Variants in SORCS2 observed in about 807,000 individuals in gnomAD.
SORCS2 encodes the protein sortilin related VPS10 domain containing receptor 2.
Under a neutral mutation model 141.6 loss-of-function variants are expected in SORCS2, and 100 were observed. The observed-to-expected ratio is 0.71, with a 90% CI of 0.60 to 0.83. The LOEUF (loss-of-function observed/expected upper bound fraction) is 0.83, where lower values mean the gene tolerates loss of function less well. Ranked by LOEUF, SORCS2 falls within the 40% of genes least tolerant of loss-of-function variation. The pLI is 0.00. For synonymous variants in SORCS2, 789 were observed against 676.9 expected (o/e 1.17, Z -2.57); for missense variants, 1,646 against 1,560.2 (o/e 1.05, Z -0.93).
At position 7,504,340 on chromosome 4, in the gene SORCS2, C is replaced by T. The variant is rs73797003; in HGVS notation, c.549-27190C>T. On this transcript the variant is annotated intron_variant, in intron 2 of 26. Transcript: ENST00000507866. ...ATCTGGGTGGTTTTGGTGTTCAGCT[C>T]AGCACCCCCAGAGCTCCTGTGACTT... Among the ~76,000 whole-genome samples, 952 of 152,340 alleles carry T rather than the reference C, an allele frequency of 6.2e-3. 12 individuals carry two copies. The highest frequency in any genetic ancestry group is 0.021 in the African/African-American group (865 of 41,566).
At chr4:7,536,772 G>A (rs1227779780) in intron 3 of SORCS2, among the ~76,000 whole-genome samples, 1 of 150,716 alleles carries the variant, frequency 6.6e-6, no homozygotes, top group East Asian at 1.9e-4. Context: ...CTACCCCCTC[G>A]GTGATCATTT....
chr4:7,715,319 T>C lies in SORCS2; in HGVS notation c.2252+8T>C. The C allele has an allele frequency of 6.2e-7, 1 of 1,613,808 alleles. No individual in the cohort carries two copies. Among genetic ancestry groups the C allele is most frequent in the Non-Finnish European group, 8.5e-7 (1 of 1,179,752 alleles). ...CTACACCAGCAGCCTTGGGTGAGTG[T>C]GGGTGCGGGCCTCTCCCTGCCTAAA... is the stretch of plus-strand genomic sequence containing the variant. On this transcript the variant is annotated splice_region_variant and intron_variant, in intron 17 of 26. Coordinates refer to ENST00000507866, the MANE Select transcript of SORCS2 (RefSeq NM_020777.3).
At chr4:7,368,602 T>C (rs1003425758) in intron 1 of SORCS2, among the ~76,000 whole-genome samples, 1 of 152,126 alleles carries the variant, frequency 6.6e-6, no homozygotes, top group Non-Finnish European at 1.5e-5. Context: ...GTGTAACTCC[T>C]AGAGAGGCCT....
At chr4:7,428,759 G>A (rs181372105) in intron 2 of SORCS2, among the ~76,000 whole-genome samples, 1 of 152,200 alleles carries the variant, frequency 6.6e-6, no homozygotes, top group Non-Finnish European at 1.5e-5. Context: ...CACCCGGCTG[G>A]TGGTGGGTTG....
At chr4:7,318,221 G>A (rs1367428702) in intron 1 of SORCS2, among the ~76,000 whole-genome samples, 1 of 152,212 alleles carries the variant, frequency 6.6e-6, no homozygotes, top group Non-Finnish European at 1.5e-5. Flanking sequence ...CCAAGGCTCA[G>A]GGAGGTAAGT....
chr4:7,575,350 A>T (rs80195598), intron 3 of SORCS2, among the ~76,000 whole-genome samples: 3 of 152,250 alleles, frequency 2.0e-5, no homozygotes, highest in Non-Finnish European at 2.9e-5. Flanking sequence ...CATGTCAACA[A>T]ATAATTAATG....
At chr4:7,434,498 T>G (rs1727146591) in intron 2 of SORCS2, 1 of 1,612,354 alleles carries the variant, frequency 6.2e-7, no homozygotes. Context: ...GCCGGGGCAC[T>G]GTCCGGGGCC....
chr4:7,740,968 A>G lies in SORCS2; in HGVS notation c.*704A>G. 2.5e-6 allele frequency: 1 copy of G among 398,048 alleles called. No homozygotes were observed. Among genetic ancestry groups the G allele is most frequent in the South Asian group, 1.4e-4 (1 of 7,392 alleles). The allele number at this position is 398,048 out of a possible 1,614,324, so 24.7% of individuals were successfully genotyped here. ...TGCCCAGGGTGTCTCCTCTGCCCAGAGGGGCAGCAGCTCTCCCTGGTTCTC... is the reference window on the plus strand; with the variant it reads ...TGCCCAGGGTGTCTCCTCTGCCCAGGGGGGCAGCAGCTCTCCCTGGTTCTC... On this transcript the variant is annotated 3_prime_UTR_variant, in exon 27 of 27. Coordinates refer to ENST00000507866, the MANE Select transcript of SORCS2 (RefSeq NM_020777.3).
At chr4:7,226,497 G>A (rs1729000819) in intron 1 of SORCS2, among the ~76,000 whole-genome samples, 1 of 152,182 alleles carries the variant, frequency 6.6e-6, no homozygotes, top group South Asian at 2.1e-4. Context: ...CGGGTGAGTG[G>A]GGGTTGGGGG....
At chr4:7,606,176 A>G (rs1718050400) in intron 3 of SORCS2, among the ~76,000 whole-genome samples, 1 of 152,146 alleles carries the variant, frequency 6.6e-6, no homozygotes, top group Non-Finnish European at 1.5e-5. Context: ...CTTAGATGGA[A>G]AGATCTTACC....
intron 24 of SORCS2, among the ~76,000 whole-genome samples, chr4:7,733,681 G>A (rs1243159263): frequency 1.3e-5 from 2 of 152,216 alleles, no homozygotes; most frequent in Non-Finnish European, 2.9e-5. Flanking sequence ...AACCCACAGA[G>A]CTGTCTCCTC....
intron 3 of SORCS2, among the ~76,000 whole-genome samples, chr4:7,543,867 TCCATCCAGCCACCCACCCAC>T (rs1712990600): frequency 1.9e-5 from 1 of 53,052 alleles, no homozygotes; most frequent in Non-Finnish European, 4.2e-5. Context: ...CATCCACCCA[TCCATCCAGCCACCCACCCAC>T]CCACCCATCC....
chr4:7,574,736 C>T (rs1377135535), intron 3 of SORCS2, among the ~76,000 whole-genome samples: 2 of 152,142 alleles, frequency 1.3e-5, no homozygotes, highest in Non-Finnish European at 1.5e-5. Flanking sequence ...TTAGGTCAAC[C>T]CCCATGAGCA....
At chr4:7,336,892 G>C (rs3907647) in intron 1 of SORCS2, among the ~76,000 whole-genome samples, 2 of 151,890 alleles carry the variant, frequency 1.3e-5, no homozygotes, top group Non-Finnish European at 2.9e-5. Flanking sequence ...TCCAGGTTCC[G>C]TGAGATCCTG....
chr4:7,435,203 GC>G (rs1259290031), intron 2 of SORCS2, among the ~76,000 whole-genome samples: 40 of 152,168 alleles, frequency 2.6e-4, no homozygotes, highest in African/African-American at 8.7e-4. Flanking sequence ...TCCCCCTGCT[GC>G]AGTAGTTCCT....
chr4:7,303,145 G>T (rs774105405), intron 1 of SORCS2, among the ~76,000 whole-genome samples: 6 of 152,162 alleles, frequency 3.9e-5, no homozygotes, highest in South Asian at 2.1e-4. Flanking sequence ...AAATTAGTGC[G>T]CCCAGAGGAC....
At chr4:7,399,271 C>A (rs1286533025) in intron 2 of SORCS2, among the ~76,000 whole-genome samples, 1 of 151,792 alleles carries the variant, frequency 6.6e-6, no homozygotes, top group Non-Finnish European at 1.5e-5. Flanking sequence ...GCATTTGAGG[C>A]CCCTGTGGAT....
intron 1 of SORCS2, among the ~76,000 whole-genome samples, chr4:7,266,034 G>C (rs143434078): frequency 6.6e-6 from 1 of 152,036 alleles, no homozygotes; most frequent in East Asian, 1.9e-4. Flanking sequence ...CTCCTTTCCC[G>C]GCCCTGCACT....
intron 3 of SORCS2, among the ~76,000 whole-genome samples, chr4:7,532,563 G>A (rs1459791507): frequency 1.3e-5 from 2 of 152,246 alleles, no homozygotes; most frequent in East Asian, 3.8e-4. Context: ...AGTTGTGCGG[G>A]ATGGTGATGA....
Sources: allele counts gnomAD v4.1 joint callset (sites outside exome capture counted in the v4.1 genomes callset), GRCh38; gene constraint gnomAD v4.1.1; transcripts MANE v1.5; gene names NCBI Gene and HGNC (gene_info 2026-07-23, HGNC 2026-07-21).